FANCD2: variants seen among roughly 807,000 people sequenced by gnomAD.
FANCD2 encodes Fanconi anemia group D2 protein.
Under a neutral mutation model 192.3 loss-of-function variants are expected in FANCD2, and 131 were observed. That is an observed-to-expected ratio of 0.68 (90% CI 0.59 to 0.79). FANCD2 has a LOEUF of 0.79. Ranked by LOEUF, FANCD2 falls within the 30% of genes least tolerant of loss-of-function variation. The probability of loss-of-function intolerance (pLI) is 0.00; values close to 1 mark genes in which losing one functional copy is unlikely to be tolerated. For missense variants in FANCD2, 1,508 were observed against 1,701.6 expected (o/e 0.89, Z 2.00); for synonymous variants, 524 against 612.5 (o/e 0.86, Z 2.13).
Position 10,072,974 on chromosome 3 carries a change from A to T in FANCD2, c.2598A>T (p.Gly866=), listed in dbSNP as rs1194554144. 6.5e-7 allele frequency: 1 copy of T among 1,528,562 alleles called. No homozygotes were observed. Among genetic ancestry groups the T allele is most frequent in the East Asian group, 2.2e-5 (1 of 44,464 alleles). The allele number at this position is 1,528,562 out of a possible 1,614,324, so 94.7% of individuals were successfully genotyped here. ...TTTCAGCAAAAATCAGAAAGAAAGG[A>T]AAAATAGGTAAGTATGTTCTTTTCC... ...TAISAKIRKK[G]KIERKQKTDG... is the part of the protein sequence containing the mutation. The change falls in exon 27 of 44, where the codon GGA becomes GGT. Residue 866 remains glycine, a synonymous_variant. Transcript: ENST00000675286.
At chr3:10,067,999 A>G (rs1283005553) in intron 26 of FANCD2, among the ~76,000 whole-genome samples, 1 of 152,202 alleles carries the variant, frequency 6.6e-6, no homozygotes, top group Non-Finnish European at 1.5e-5. Flanking sequence ...AACCCTCAGA[A>G]AACTGGGTAT....
rs562020109 is a variant in FANCD2, at chr3:10,072,616, C to T, written c.2495-255C>T. Among the ~76,000 whole-genome samples the T allele has an allele frequency of 4.6e-5, 7 of 152,230 alleles. No homozygotes were observed. In the East Asian group the frequency reaches 1.3e-3, roughly 29 times the overall value. The stretch of plus-strand genomic sequence containing the variant: ...TTTAAATGTTTGTTTTAGTTTTTTT[C>T]TGTTTGTTAGTTATATATCATTATT... On this transcript the variant is annotated intron_variant, in intron 26 of 43. Coordinates refer to ENST00000675286, the MANE Select transcript of FANCD2 (RefSeq NM_001018115.3).
chr3:10,094,824 T>G (rs987137741), intron 40 of FANCD2: 6 of 343,964 alleles, frequency 1.7e-5, no homozygotes, highest in African/African-American at 1.0e-4. Context: ...TAGAATCACA[T>G]TATTTCCTAT....
intron 18 of FANCD2, among the ~76,000 whole-genome samples, chr3:10,055,829 A>T (rs1043579985): frequency 4.0e-5 from 6 of 150,304 alleles, no homozygotes; most frequent in East Asian, 1.9e-4. Flanking sequence ...AAATAATAAT[A>T]AATAAATAAA....
rs755767180 is a variant in FANCD2, at chr3:10,098,707, C to T, written c.4186-13C>T. On this transcript the variant is annotated splice_polypyrimidine_tract_variant and intron_variant, in intron 42 of 43. Transcript: ENST00000675286. ...ATTATAACCCACCATTTTCTTGGTC[C>T]ATTCACATTTAGGGTGAAGAGATTA... The T allele has an allele frequency of 5.2e-5, 84 of 1,613,828 alleles. No homozygotes were observed. The highest frequency in any genetic ancestry group is 5.0e-5 in the Admixed American group (3 of 59,964).
intron 32 of FANCD2, among the ~76,000 whole-genome samples, chr3:10,084,181 A>G (rs1474491303): frequency 1.3e-5 from 2 of 151,634 alleles, no homozygotes; most frequent in African/African-American, 4.8e-5. Context: ...TTTAGTAGAG[A>G]CGGGGTTTCA....
Position 10,052,409 on chromosome 3 carries a change from A to G in FANCD2, c.1568A>G (p.Asn523Ser), listed in dbSNP as rs1478182178. 6.2e-7 allele frequency: 1 copy of G among 1,611,928 alleles called. No individual in the cohort carries two copies. Reference protein sequence around the residue: ...FVKGILDYLDNISPQQIRKLF... With the variant: ...FVKGILDYLDSISPQQIRKLF... ...CAGGGCATTTTAGATTATCTGGATA[A>G]CATATCCCCTCAGCAAATACGAAAA... Residue 523 changes from asparagine (N) to serine (S), a missense_variant, in exon 18 of 44, where the codon AAC (asparagine) becomes AGC (serine). Asn to Ser is a conservative substitution (Grantham distance 46, BLOSUM62 1). This residue lies in a region of FANCD2 where 110 missense variants were observed against 114.4 expected (regional missense o/e 0.96). Transcript: ENST00000675286.
rs370284275 is a variant in FANCD2 at position 10,060,395 on chromosome 3, G to A, written c.1758G>A (p.Ala586=). 23 of 1,612,880 alleles carry A rather than the reference G, an allele frequency of 1.4e-5. No homozygotes were observed. The highest frequency in any genetic ancestry group is 1.7e-4 in the Middle Eastern group (1 of 6,032). The change falls in exon 19 of 44, where the codon GCG becomes GCA. Residue 586 remains alanine, a synonymous_variant. Coordinates refer to ENST00000675286, the MANE Select transcript of FANCD2 (RefSeq NM_001018115.3). The stretch of plus-strand genomic sequence containing the variant: ...CTGTGACCATGGCTGGCATCATGGC[G>A]GCAGACAGGTACACGTGGAGATTCT... ...IGAVTMAGIM[A]ADRSESPSLT...
intron 33 of FANCD2, among the ~76,000 whole-genome samples, chr3:10,086,868 G>T (rs537538955): frequency 2.0e-5 from 3 of 152,148 alleles, no homozygotes; most frequent in Non-Finnish European, 4.4e-5. Flanking sequence ...TATTAGCGTG[G>T]TGCTTGGGTT....
intron 14 of FANCD2, among the ~76,000 whole-genome samples, chr3:10,045,123 TGCCC>T (rs2086967292): frequency 6.7e-6 from 1 of 149,086 alleles, no homozygotes; most frequent in African/African-American, 2.6e-5. Context: ...AGACTCAGGT[TGCCC>T]TGAATACACG....
At chr3:10,080,725 C>G (rs1053102160) in intron 30 of FANCD2, among the ~76,000 whole-genome samples, 2 of 152,096 alleles carry the variant, frequency 1.3e-5, no homozygotes, top group African/African-American at 4.8e-5. Flanking sequence ...GAGCTGTGAT[C>G]GTGCCACTGC....
rs1378921709 is a variant in FANCD2 at position 10,060,385 on chromosome 3, G to C, written c.1748G>C (p.Gly583Ala). 1.2e-6 allele frequency: 2 copies of C among 1,613,826 alleles called. No homozygotes were observed. Among genetic ancestry groups the C allele is most frequent in the Non-Finnish European group, 1.7e-6 (2 of 1,179,830 alleles). ...ATTATTGGTGCTGTGACCATGGCTG[G>C]CATCATGGCGGCAGACAGGTACACG... ...IGIIGAVTMA[G>A]IMAADRSESP... The change falls in exon 19 of 44, where the codon GGC becomes GCC. Residue 583 changes from glycine to alanine, a missense_variant. Physicochemically the swap from Gly to Ala is moderately conservative, Grantham distance 60. Around this residue, in one of 5 missense-constraint regions of FANCD2, gnomAD observed 110 missense variants for 114.4 expected, o/e 0.96. Coordinates refer to ENST00000675286, the MANE Select transcript of FANCD2 (RefSeq NM_001018115.3).
chr3:10,089,793 A>C (rs1191379382), intron 36 of FANCD2, among the ~76,000 whole-genome samples: 1 of 152,200 alleles, frequency 6.6e-6, no homozygotes, highest in Non-Finnish European at 1.5e-5. Context: ...TCTTGAGAAC[A>C]GGGTGCTCAC....
chr3:10,047,032 G>A (rs2087037231), intron 15 of FANCD2, among the ~76,000 whole-genome samples: 1 of 152,420 alleles, frequency 6.6e-6, no homozygotes, highest in East Asian at 1.9e-4. Flanking sequence ...TGGACTTTAG[G>A]TGATAATTCC....
chr3:10,062,897 C>T (rs1483617099), intron 20 of FANCD2, among the ~76,000 whole-genome samples: 3 of 152,122 alleles, frequency 2.0e-5, no homozygotes, highest in Admixed American at 6.5e-5. Context: ...GTTGGGGTTT[C>T]GCTATGTTGA....
At chr3:10,040,033 CTTTT>C (rs570512566) in intron 9 of FANCD2, 188 bp downstream of exon 9, 4,502 of 342,018 alleles carry the variant, frequency 0.013, no homozygotes, top group Middle Eastern at 0.026. Context: ...CACATACTTT[CTTTT>C]TTTTTTTTTT....
At chr3:10,082,352 C>T (rs543677233) in intron 32 of FANCD2, among the ~76,000 whole-genome samples, 6 of 152,278 alleles carry the variant, frequency 3.9e-5, no homozygotes, top group African/African-American at 1.4e-4. Flanking sequence ...TATCTCTCAA[C>T]CTGGACTGGG....
At chr3:10,051,319 T>C (rs1392645397) in intron 17 of FANCD2, among the ~76,000 whole-genome samples, 1 of 140,342 alleles carries the variant, frequency 7.1e-6, no homozygotes, top group Admixed American at 8.0e-5. Context: ...AGGCGGAGCT[T>C]GCAGTGAGCC....
chr3:10,061,249 G>A (rs2087559101), intron 19 of FANCD2, among the ~76,000 whole-genome samples: 1 of 152,196 alleles, frequency 6.6e-6, no homozygotes, highest in Admixed American at 6.5e-5. Flanking sequence ...GCTGCCCAGT[G>A]CTTTCTTGCA....
Sources: gnomAD v4.1 joint callset for allele counts (sites outside exome capture counted in the v4.1 genomes callset) on GRCh38, gnomAD v4.1.1 for gene constraint, gnomAD v4.1.1 regional missense constraint, MANE v1.5 for transcripts, NCBI Gene and HGNC (gene_info 2026-07-23, HGNC 2026-07-21) for gene names.